The following CLYBL variants were observed in gnomAD, a reference collection of about 807,000 sequenced individuals.
The protein encoded by CLYBL is citramalyl-CoA lyase, mitochondrial.
Under a neutral mutation model 38.9 loss-of-function variants are expected in CLYBL, and 31 were observed. The observed-to-expected ratio is 0.80, with a 90% CI of 0.60 to 1.08. The LOEUF is 1.08. CLYBL is among the 50% of genes least tolerant of loss of function. CLYBL has a pLI of 0.00. For synonymous variants in CLYBL, 171 were observed against 158.6 expected (o/e 1.08, Z -0.59); for missense variants, 434 against 411.6 (o/e 1.05, Z -0.47).
At chr13:99,799,810 A>G (rs905087178) in intron 2 of CLYBL, among the ~76,000 whole-genome samples, 34 of 152,282 alleles carry the variant, frequency 2.2e-4, no homozygotes, top group African/African-American at 8.2e-4. Flanking sequence ...TCATGTCAAC[A>G]CCCTGGTTTT....
intron 4 of CLYBL, among the ~76,000 whole-genome samples, chr13:99,863,512 T>G (rs1304198424): frequency 1.3e-5 from 2 of 152,244 alleles, no homozygotes; most frequent in African/African-American, 4.8e-5. Context: ...TGTAGCAACA[T>G]TATCAGTAAT....
At chr13:99,783,112 G>T (rs1421900490) in intron 2 of CLYBL, among the ~76,000 whole-genome samples, 1 of 150,850 alleles carries the variant, frequency 6.6e-6, no homozygotes, top group South Asian at 2.1e-4. Context: ...GCATGATCTC[G>T]GCTCACTGTA....
At chr13:99,695,925 G>A (rs868533390) in intron 1 of CLYBL, among the ~76,000 whole-genome samples, 1 of 152,108 alleles carries the variant, frequency 6.6e-6, no homozygotes, top group Non-Finnish European at 1.5e-5. Context: ...CAGTTTTCTC[G>A]ATTTCTTTCA....
intron 7 of CLYBL, among the ~76,000 whole-genome samples, chr13:99,880,070 T>A (rs5806142): frequency 0.18 from 5,334 of 28,870 alleles, 125 homozygotes; most frequent in Middle Eastern, 0.26. Flanking sequence ...ATATATATAT[T>A]TTTTTTTTTT....
At chr13:99,880,062 A>ATG (rs1342198025) in intron 7 of CLYBL, among the ~76,000 whole-genome samples, 15 of 62,212 alleles carry the variant, frequency 2.4e-4, no homozygotes, top group Non-Finnish European at 5.5e-4. Flanking sequence ...ATATATATAT[A>ATG]TATATATTTT....
intron 2 of CLYBL, among the ~76,000 whole-genome samples, chr13:99,786,161 G>A (rs564536674): frequency 4.4e-4 from 65 of 149,408 alleles, no homozygotes; most frequent in Non-Finnish European, 7.0e-4. Flanking sequence ...CCATGGAGGT[G>A]GAGTTCATAA....
Position 99,891,337 on chromosome 13 carries a change from G to C in CLYBL, c.947G>C (p.Gly316Ala). 6.2e-7 allele frequency: 1 copy of C among 1,613,506 alleles called. No homozygotes were observed. The highest frequency in any genetic ancestry group is 8.5e-7 in the Non-Finnish European group (1 of 1,179,518). The change falls in exon 8 of 9, where the codon GGG (glycine) becomes GCG (alanine). Residue 316 changes from glycine to alanine, a missense_variant. Coordinates refer to ENST00000339105, the MANE Select transcript of CLYBL (RefSeq NM_206808.5). Reference protein sequence around the residue: ...QLGKGAFTFQGSMIDMPLLKQ... With the variant: ...QLGKGAFTFQASMIDMPLLKQ... ...TTCCAGGGGGCCTTTACTTTCCAAG[G>C]GAGTATGATCGACATGCCATTACTG...
intron 1 of CLYBL, among the ~76,000 whole-genome samples, chr13:99,614,560 G>A (rs2046678680): frequency 1.3e-5 from 2 of 152,000 alleles, no homozygotes; most frequent in Non-Finnish European, 2.9e-5. Flanking sequence ...ACACCTGCCC[G>A]GGCAGGTGTA....
intron 2 of CLYBL, among the ~76,000 whole-genome samples, chr13:99,786,848 C>A (rs964568038): frequency 2.0e-5 from 3 of 152,034 alleles, no homozygotes; most frequent in Admixed American, 2.0e-4. Context: ...TCCTATTTCT[C>A]CACATCCTCT....
At chr13:99,730,365 G>T (rs78213037) in intron 1 of CLYBL, among the ~76,000 whole-genome samples, 1 of 152,212 alleles carries the variant, frequency 6.6e-6, no homozygotes, top group Non-Finnish European at 1.5e-5. Context: ...GGTGCAGCAC[G>T]CTCATGGGGG....
At chr13:99,725,090 A>G (rs2048450986) in intron 1 of CLYBL, among the ~76,000 whole-genome samples, 2 of 152,182 alleles carry the variant, frequency 1.3e-5, no homozygotes, top group Non-Finnish European at 2.9e-5. Flanking sequence ...TCTCGGGCCT[A>G]CTTGGCTATG....
At chr13:99,621,755 A>AT (rs75453163) in intron 1 of CLYBL, among the ~76,000 whole-genome samples, 22 of 151,002 alleles carry the variant, frequency 1.5e-4, no homozygotes, top group Admixed American at 2.6e-4. Flanking sequence ...TTTTTTGGCG[A>AT]TTTTTTTTTT....
chr13:99,772,004 A>T (rs776637960), intron 1 of CLYBL, among the ~76,000 whole-genome samples: 8 of 152,222 alleles, frequency 5.3e-5, no homozygotes, highest in Non-Finnish European at 1.2e-4. Flanking sequence ...TACTCACTTA[A>T]AAAGAACCAG....
chr13:99,697,873 C>T (rs2048004070), intron 1 of CLYBL, among the ~76,000 whole-genome samples: 1 of 151,972 alleles, frequency 6.6e-6, no homozygotes, highest in South Asian at 2.1e-4. Context: ...GTCTCGAACT[C>T]CTGACCTCAA....
chr13:99,716,011 T>G (rs1331728326), intron 1 of CLYBL, among the ~76,000 whole-genome samples: 1 of 152,086 alleles, frequency 6.6e-6, no homozygotes, highest in Non-Finnish European at 1.5e-5. Context: ...AGCAAACTTT[T>G]TAAACATTTT....
At chr13:99,611,434 T>A (rs995691136) in intron 1 of CLYBL, among the ~76,000 whole-genome samples, 12 of 152,236 alleles carry the variant, frequency 7.9e-5, no homozygotes, top group African/African-American at 2.9e-4. Context: ...AGTGTGTTAA[T>A]ACGGTAAATT....
intron 1 of CLYBL, among the ~76,000 whole-genome samples, chr13:99,706,951 G>A (rs1316215765): frequency 2.0e-5 from 3 of 152,022 alleles, no homozygotes; most frequent in Non-Finnish European, 4.4e-5. Flanking sequence ...TACAGGTGCC[G>A]TGCCACCAAG....
intron 1 of CLYBL, among the ~76,000 whole-genome samples, chr13:99,772,402 T>A (rs565467867): frequency 5.1e-4 from 78 of 152,316 alleles, no homozygotes; most frequent in African/African-American, 1.8e-3. Context: ...ACCATAATTT[T>A]AAAAGATTAT....
chr13:99,791,796 G>A (rs1196236226), intron 2 of CLYBL, among the ~76,000 whole-genome samples: 1 of 152,188 alleles, frequency 6.6e-6, no homozygotes, highest in African/African-American at 2.4e-5. Flanking sequence ...ATCAGTTCAA[G>A]TCTCTGGTGA....
Sources: allele counts gnomAD v4.1 joint callset (sites outside exome capture counted in the v4.1 genomes callset), GRCh38; gene constraint gnomAD v4.1.1; transcripts MANE v1.5; gene names NCBI Gene and HGNC (gene_info 2026-07-23, HGNC 2026-07-21).